The following CRISP2 variants were observed in gnomAD, a reference collection of about 807,000 sequenced individuals.
The protein encoded by CRISP2 is cysteine rich secretory protein 2, also known as cysteine-rich secretory protein 2.
CRISP2 carries 29 observed loss-of-function variants against 31.7 expected under a neutral mutation model. The observed-to-expected ratio is 0.92, with a 90% CI of 0.68 to 1.25. CRISP2 has a LOEUF of 1.25. Among genes scored for constraint, CRISP2 ranks in the 50% most tolerant of loss-of-function variants. CRISP2 has a pLI of 0.00. For synonymous variants in CRISP2, 111 were observed against 101.4 expected, an observed-to-expected ratio of 1.09 and a Z score of -0.57; for missense variants, 318 against 286.5, an observed-to-expected ratio of 1.11 and a Z score of -0.79.
intron 4 of CRISP2, among the ~76,000 whole-genome samples, chr6:49,706,771 C>G (rs926776291): frequency 1.3e-5 from 2 of 152,298 alleles, no homozygotes; most frequent in African/African-American, 4.8e-5. Context: ...TCTCAAAATA[C>G]TTACACCATT....
intron 3 of CRISP2, among the ~76,000 whole-genome samples, chr6:49,710,827 T>G (rs1767886975): frequency 6.6e-6 from 1 of 152,108 alleles, no homozygotes. Flanking sequence ...TTTATTAAAG[T>G]TTTGAAAATC....
At chr6:49,688,695 A>C (rs1763961084), downstream of CRISP2, among the ~76,000 whole-genome samples, 1 of 152,168 alleles carries the variant, frequency 6.6e-6, no homozygotes, top group Admixed American at 6.5e-5. Context: ...ACTGCTTTAC[A>C]TTACCTTATT....
chr6:49,697,362 G>T (rs1413155624), intron 8 of CRISP2, among the ~76,000 whole-genome samples: 1 of 151,444 alleles, frequency 6.6e-6, no homozygotes, highest in Non-Finnish European at 1.5e-5. Flanking sequence ...AAAAGCCATT[G>T]AAATCCAAAT....
At chr6:49,706,865 T>G (rs1767123515) in intron 4 of CRISP2, among the ~76,000 whole-genome samples, 1 of 152,206 alleles carries the variant, frequency 6.6e-6, no homozygotes, top group Non-Finnish European at 1.5e-5. Context: ...GGACTGATCG[T>G]GGACGCCACT....
intron 6 of CRISP2, 99 bp downstream of exon 6, chr6:49,699,700 AGTAAC>A: frequency 1.3e-6 from 1 of 778,528 alleles, no homozygotes; most frequent in Non-Finnish European, 2.1e-6. Flanking sequence ...CAGCAGTATA[AGTAAC>A]ATTTATTTTC....
At chr6:49,703,325 T>C (rs1395313253) in intron 4 of CRISP2, among the ~76,000 whole-genome samples, 1 of 152,046 alleles carries the variant, frequency 6.6e-6, no homozygotes, top group Non-Finnish European at 1.5e-5. Flanking sequence ...TCCATATCAA[T>C]TTTAGAATTG....
intron 3 of CRISP2, among the ~76,000 whole-genome samples, chr6:49,709,693 C>A (rs1235498506): frequency 6.6e-6 from 1 of 152,174 alleles, no homozygotes; most frequent in Non-Finnish European, 1.5e-5. Context: ...TGTGATTACA[C>A]AGATATGGTT....
At chr6:49,712,707 T>C (rs762733660) in intron 1 of CRISP2, 103 bp from the exon 2 acceptor site, 1 of 152,240 alleles carries the variant, frequency 6.6e-6, no homozygotes, top group Non-Finnish European at 1.5e-5. Flanking sequence ...CTCAATTGTT[T>C]AGTATTGTTT....
the CRISP2 span, among the ~76,000 whole-genome samples, chr6:49,681,836 T>A: frequency 2.6e-5 from 4 of 152,116 alleles, no homozygotes; most frequent in African/African-American, 9.7e-5. Flanking sequence ...CTTCAAGATT[T>A]TTTTTTGCCC....
At chr6:49,694,023 A>G (rs1308097281) in intron 9 of CRISP2, among the ~76,000 whole-genome samples, 1 of 152,200 alleles carries the variant, frequency 6.6e-6, no homozygotes, top group Non-Finnish European at 1.5e-5. Context: ...TCTAGGCACT[A>G]AAGAATTAAT....
At chr6:49,697,665 A>G (rs1179720446) in intron 8 of CRISP2, 195 bp downstream of exon 8, 1 of 1,459,078 alleles carries the variant, frequency 6.9e-7, no homozygotes, top group Non-Finnish European at 9.2e-7. Context: ...TGAGAGCTTC[A>G]GTTTTTATAC....
At chr6:49,706,250 T>C (rs1766997826) in intron 4 of CRISP2, among the ~76,000 whole-genome samples, 2 of 152,220 alleles carry the variant, frequency 1.3e-5, no homozygotes, top group South Asian at 4.1e-4. Context: ...CTTGACATGG[T>C]ATCTGCCTTT....
intron 4 of CRISP2, among the ~76,000 whole-genome samples, chr6:49,705,452 G>T (rs1031179335): frequency 6.6e-6 from 1 of 152,272 alleles, no homozygotes; most frequent in South Asian, 2.1e-4. Flanking sequence ...CCCAAGGAGA[G>T]ACTAAGGAGG....
At chr6:49,710,473 T>C (rs1304460630) in intron 3 of CRISP2, among the ~76,000 whole-genome samples, 2 of 152,176 alleles carry the variant, frequency 1.3e-5, no homozygotes, top group African/African-American at 4.8e-5. Context: ...CAGTTTTAAT[T>C]GGGAAAAGGC....
intron 6 of CRISP2, 81 bp downstream of exon 6, chr6:49,699,723 T>G: frequency 1.0e-6 from 1 of 988,052 alleles, no homozygotes; most frequent in Non-Finnish European, 1.5e-6. Context: ...TTCAAAGTCT[T>G]CTTATTATAG....
chr6:49,697,692 G>T (rs1406148950), intron 8 of CRISP2, 168 bp downstream of exon 8: 1 of 1,511,858 alleles, frequency 6.6e-7, no homozygotes, highest in African/African-American at 1.4e-5. Context: ...GTGAGAAGTT[G>T]TTCTCCTCTG....
the CRISP2 span, among the ~76,000 whole-genome samples, chr6:49,680,743 T>C: frequency 6.6e-6 from 1 of 152,260 alleles, no homozygotes; most frequent in Non-Finnish European, 1.5e-5. Context: ...TGCATTTCTC[T>C]AATGATCCGT....
intron 4 of CRISP2, among the ~76,000 whole-genome samples, chr6:49,706,148 C>A (rs1034975316): frequency 2.0e-5 from 3 of 152,108 alleles, no homozygotes; most frequent in Admixed American, 2.0e-4. Context: ...AAATTTAAAA[C>A]CTTGAGATAT....
intron 8 of CRISP2, 39 bp from the exon 9 acceptor site, chr6:49,695,963 C>T: frequency 7.5e-7 from 1 of 1,332,634 alleles, no homozygotes; most frequent in Non-Finnish European, 1.1e-6. Flanking sequence ...TTTCACTTTA[C>T]TGTTTATACT....
Sources: allele counts gnomAD v4.1 joint callset (sites outside exome capture counted in the v4.1 genomes callset), GRCh38; gene constraint gnomAD v4.1.1; transcripts MANE v1.5; gene names NCBI Gene and HGNC (gene_info 2026-07-23, HGNC 2026-07-21).